Variants in PITPNC1 observed in about 807,000 individuals in gnomAD.
PITPNC1 encodes cytoplasmic phosphatidylinositol transfer protein 1.
Under a neutral mutation model 44.7 loss-of-function variants are expected in PITPNC1, and 18 were observed. That is an observed-to-expected ratio of 0.40 (90% CI 0.28 to 0.60). The LOEUF (loss-of-function observed/expected upper bound fraction) is 0.60, where lower values mean the gene tolerates loss of function less well. Among genes scored for constraint, PITPNC1 ranks in the 20% least tolerant of loss-of-function variants. The pLI is 0.39. For missense variants in PITPNC1, 290 were observed against 418.4 expected, an observed-to-expected ratio of 0.69 and a Z score of 2.68; for synonymous variants, 141 against 149.6, an observed-to-expected ratio of 0.94 and a Z score of 0.42.
At chr17:67,424,692 A>G (rs1053030195) in intron 1 of PITPNC1, among the ~76,000 whole-genome samples, 8 of 151,856 alleles carry the variant, frequency 5.3e-5, no homozygotes, top group Non-Finnish European at 8.8e-5. Context: ...TACAAAACTG[A>G]GCTGAGGAGA....
chr17:67,557,936 G>C (rs146267573), intron 4 of PITPNC1, among the ~76,000 whole-genome samples: 18 of 152,296 alleles, frequency 1.2e-4, no homozygotes, highest in South Asian at 2.1e-4. Flanking sequence ...GCCCCAGTTA[G>C]GATCACGGTG....
chr17:67,401,127 G>A (rs1351498269), intron 1 of PITPNC1, among the ~76,000 whole-genome samples: 1 of 152,102 alleles, frequency 6.6e-6, no homozygotes, highest in Non-Finnish European at 1.5e-5. Flanking sequence ...TAGAGACGGG[G>A]TTTCACCATA....
At position 67,378,148 on chromosome 17, in the gene PITPNC1, C is replaced by G; in HGVS notation, c.-7C>G. 6.5e-7 allele frequency: 1 copy of G among 1,536,650 alleles called. No homozygotes were observed. The highest frequency in any genetic ancestry group is 8.7e-7 in the Non-Finnish European group (1 of 1,144,242). On this transcript the variant is annotated 5_prime_UTR_variant, in exon 1 of 9. Coordinates refer to ENST00000581322, the MANE Select transcript of PITPNC1 (RefSeq NM_012417.4). ...TCCCGCCCCGGGGGTCCGCGGCCGGCAGGACCATGCTGCTGAAAGAGTACC... is the reference window on the plus strand; with the variant it reads ...TCCCGCCCCGGGGGTCCGCGGCCGGGAGGACCATGCTGCTGAAAGAGTACC...
intron 4 of PITPNC1, among the ~76,000 whole-genome samples, chr17:67,569,100 G>A (rs752683247): frequency 8.0e-6 from 1 of 125,692 alleles, no homozygotes; most frequent in South Asian, 2.4e-4. Context: ...TGCAGGTGCT[G>A]AGACAGAAAT....
intron 4 of PITPNC1, among the ~76,000 whole-genome samples, chr17:67,567,206 C>A (rs747402833): frequency 6.6e-6 from 1 of 152,132 alleles, no homozygotes. Context: ...CCTGGACAGG[C>A]CAGGCGCGGT....
intron 1 of PITPNC1, among the ~76,000 whole-genome samples, chr17:67,423,115 G>T (rs769322420): frequency 6.6e-6 from 1 of 152,118 alleles, no homozygotes; most frequent in Non-Finnish European, 1.5e-5. Context: ...ATGGAGGAGT[G>T]CTTGCTGGGG....
At chr17:67,674,558 G>C (rs550332058) in intron 7 of PITPNC1, among the ~76,000 whole-genome samples, 1 of 148,986 alleles carries the variant, frequency 6.7e-6, no homozygotes, top group Non-Finnish European at 1.5e-5. Flanking sequence ...GGAATGTTAA[G>C]TGCTGTTCAC....
chr17:67,540,380 C>T (rs994788084), intron 2 of PITPNC1, among the ~76,000 whole-genome samples: 1 of 152,164 alleles, frequency 6.6e-6, no homozygotes, highest in Non-Finnish European at 1.5e-5. Flanking sequence ...GCTGGGATTA[C>T]AGGTGTGAGC....
intron 4 of PITPNC1, among the ~76,000 whole-genome samples, chr17:67,559,456 T>C (rs1192739138): frequency 6.6e-6 from 1 of 152,226 alleles, no homozygotes; most frequent in African/African-American, 2.4e-5. Flanking sequence ...CGATATTTAG[T>C]GCAGTACATA....
chr17:67,684,910 TGAA>T (rs1262122142), intron 8 of PITPNC1, among the ~76,000 whole-genome samples: 1 of 152,262 alleles, frequency 6.6e-6, no homozygotes, highest in African/African-American at 2.4e-5. Context: ...TAATTCAAGA[TGAA>T]GTATGATTTC....
At chr17:67,628,825 T>G (rs558930111) in intron 5 of PITPNC1, among the ~76,000 whole-genome samples, 6 of 152,304 alleles carry the variant, frequency 3.9e-5, no homozygotes, top group Non-Finnish European at 7.4e-5. Context: ...ACTCCAGGCT[T>G]GCAGCTGGGG....
chr17:67,395,561 G>T (rs1219522059), intron 1 of PITPNC1, among the ~76,000 whole-genome samples: 1 of 152,038 alleles, frequency 6.6e-6, no homozygotes, highest in Non-Finnish European at 1.5e-5. Flanking sequence ...TGGTGGCGTG[G>T]CCCTCCATCA....
At chr17:67,578,419 T>C (rs1450499927) in intron 5 of PITPNC1, among the ~76,000 whole-genome samples, 162 bp downstream of exon 5, 1 of 152,192 alleles carries the variant, frequency 6.6e-6, no homozygotes. Flanking sequence ...CTGGGACTTT[T>C]CCCTGGAATT....
chr17:67,494,161 CTCTTTCTT>C (rs1555657746), intron 1 of PITPNC1, among the ~76,000 whole-genome samples: 1 of 103,916 alleles, frequency 9.6e-6, no homozygotes, highest in Non-Finnish European at 2.0e-5. Flanking sequence ...TATGTGTAAC[CTCTTTCTT>C]TCTTTCTTTC....
At chr17:67,389,180 C>T (rs912779119) in intron 1 of PITPNC1, among the ~76,000 whole-genome samples, 4 of 152,322 alleles carry the variant, frequency 2.6e-5, no homozygotes, top group African/African-American at 9.6e-5. Flanking sequence ...GGCCACCTGC[C>T]GTGTCCTGCC....
chr17:67,605,932 T>C (rs2041602156), intron 5 of PITPNC1, among the ~76,000 whole-genome samples: 1 of 152,174 alleles, frequency 6.6e-6, no homozygotes, highest in Non-Finnish European at 1.5e-5. Flanking sequence ...GAGGGAACTG[T>C]GGTTGAGAGA....
chr17:67,579,112 C>A (rs538297745), intron 5 of PITPNC1, among the ~76,000 whole-genome samples: 3 of 152,382 alleles, frequency 2.0e-5, no homozygotes, highest in African/African-American at 7.2e-5. Context: ...GGTACCCCCA[C>A]AAAATATTTA....
intron 1 of PITPNC1, among the ~76,000 whole-genome samples, chr17:67,503,520 G>T (rs2040063080): frequency 6.6e-6 from 1 of 152,046 alleles, no homozygotes; most frequent in African/African-American, 2.4e-5. Flanking sequence ...TATTTTCTCT[G>T]TAGGGGACAA....
intron 1 of PITPNC1, among the ~76,000 whole-genome samples, chr17:67,487,122 C>T (rs2039790312): frequency 6.6e-6 from 1 of 152,068 alleles, no homozygotes; most frequent in African/African-American, 2.4e-5. Context: ...GTTTGAAGTC[C>T]ATTACAGACA....
Sources: allele counts gnomAD v4.1 joint callset (sites outside exome capture counted in the v4.1 genomes callset), GRCh38; gene constraint gnomAD v4.1.1; transcripts MANE v1.5; gene names NCBI Gene and HGNC (gene_info 2026-07-23, HGNC 2026-07-21).